PRDM5: variants seen among roughly 807,000 people sequenced by gnomAD.
PRDM5 encodes the protein PR domain zinc finger protein 5.
Under a neutral mutation model 81.2 loss-of-function variants are expected in PRDM5, and 56 were observed. That is an observed-to-expected ratio of 0.69 (90% CI 0.56 to 0.86). The LOEUF is 0.86. PRDM5 is among the 40% of genes least tolerant of loss of function. PRDM5 has a pLI of 0.00. For missense variants in PRDM5, 697 were observed against 770.1 expected, an observed-to-expected ratio of 0.91 and a Z score of 1.12; for synonymous variants, 267 against 256.4, an observed-to-expected ratio of 1.04 and a Z score of -0.39.
intron 12 of PRDM5, among the ~76,000 whole-genome samples, chr4:120,779,285 AAGCATGGAAAC>A (rs2149233409): frequency 6.6e-6 from 1 of 152,314 alleles, no homozygotes; most frequent in East Asian, 1.9e-4. Flanking sequence ...ATGAACAAGA[AAGCATGGAAAC>A]AGCTCACTTT....
intron 11 of PRDM5, among the ~76,000 whole-genome samples, chr4:120,783,975 A>C (rs1749404293): frequency 6.6e-6 from 1 of 152,106 alleles, no homozygotes; most frequent in Non-Finnish European, 1.5e-5. Flanking sequence ...TTTCCTCAGG[A>C]ATATTAAAAG....
chr4:120,818,482 G>A lies in PRDM5; in HGVS notation c.521C>T (p.Ser174Leu), dbSNP rs755711480. ...AAGAATATCCTCACTGGTAAAACTC[G>A]ATTCACATTGAGGACAAGCATAGTC... The part of the protein sequence containing the change: ...KEDYACPQCE[S>L]SFTSEDILAE... Residue 174 changes from serine (S) to leucine (L), a missense_variant, in exon 5 of 16, where the codon TCG (serine) becomes TTG (leucine). Ser to Leu is a moderately radical substitution (Grantham distance 145). Around this residue, in one of 3 missense-constraint regions of PRDM5, gnomAD observed 577 missense variants for 606.7 expected, o/e 0.95. Coordinates refer to ENST00000264808, the MANE Select transcript of PRDM5 (RefSeq NM_018699.4). 5.0e-6 allele frequency: 8 copies of A among 1,613,390 alleles called. No homozygotes were observed. The highest frequency in any genetic ancestry group is 3.3e-5 in the Admixed American group (2 of 59,960).
intron 2 of PRDM5, among the ~76,000 whole-genome samples, chr4:120,869,024 T>A (rs1025489658): frequency 6.6e-6 from 1 of 152,190 alleles, no homozygotes; most frequent in South Asian, 2.1e-4. Flanking sequence ...AATATAAAAC[T>A]ACTACCTTAA....
chr4:120,922,674 C>A lies in PRDM5; in HGVS notation c.-66G>T, dbSNP rs1273611007. On this transcript the variant is annotated 5_prime_UTR_variant, in exon 1 of 16. Transcript: ENST00000264808. ...GCTTAGCGCCCGGCAGGCGGCACAT[C>A]GAAATTTGGGGTGCCAGGGTAGAGG... 5 of 1,555,268 alleles carry A rather than the reference C, an allele frequency of 3.2e-6. No homozygotes were observed. The highest frequency in any genetic ancestry group is 4.4e-6 in the Non-Finnish European group (5 of 1,148,784).
chr4:120,734,461 G>A (rs1013653548), intron 14 of PRDM5, among the ~76,000 whole-genome samples: 14 of 146,752 alleles, frequency 9.5e-5, no homozygotes, highest in Middle Eastern at 6.9e-3. Flanking sequence ...TACTCACTAC[G>A]TTCAAACTAG....
intron 3 of PRDM5, among the ~76,000 whole-genome samples, chr4:120,846,655 C>T (rs534385453): frequency 2.0e-5 from 3 of 152,024 alleles, no homozygotes; most frequent in Admixed American, 6.5e-5. Flanking sequence ...GGAATGAAAC[C>T]CAGAGCATCC....
At chr4:120,691,055 G>A (rs902288818), downstream of PRDM5, among the ~76,000 whole-genome samples, 14 of 152,016 alleles carry the variant, frequency 9.2e-5, no homozygotes, top group Admixed American at 2.0e-4. Flanking sequence ...TTAATTTCAG[G>A]AAATTAAATA....
chr4:120,685,338 G>T (rs1235224782), intron 1 of PRDM5, among the ~76,000 whole-genome samples: 1 of 152,028 alleles, frequency 6.6e-6, no homozygotes, highest in Non-Finnish European at 1.5e-5. Context: ...ATACCTGATA[G>T]TCTAGGTACT....
At chr4:120,817,338 C>T (rs545091888) in intron 5 of PRDM5, among the ~76,000 whole-genome samples, 1 of 152,176 alleles carries the variant, frequency 6.6e-6, no homozygotes, top group African/African-American at 2.4e-5. Flanking sequence ...AATATTCATA[C>T]AGTCTTAGTA....
intron 14 of PRDM5, among the ~76,000 whole-genome samples, chr4:120,746,784 A>G (rs1277391617): frequency 1.4e-5 from 2 of 143,562 alleles, no homozygotes; most frequent in African/African-American, 5.1e-5. Flanking sequence ...TCAGGAAACA[A>G]CAGGTGCTGG....
intron 14 of PRDM5, among the ~76,000 whole-genome samples, chr4:120,715,288 C>A (rs1041127283): frequency 6.6e-6 from 1 of 152,106 alleles, no homozygotes; most frequent in Non-Finnish European, 1.5e-5. Context: ...TTTTATCCAG[C>A]ATTAATAAGT....
intron 2 of PRDM5, among the ~76,000 whole-genome samples, chr4:120,905,810 T>A (rs1765734531): frequency 1.3e-5 from 2 of 152,222 alleles, no homozygotes. Flanking sequence ...GCATAATCTC[T>A]ACCTCCTACA....
At position 120,816,427 on chromosome 4, in the gene PRDM5, GA is replaced by G. The variant is rs1561358345; in HGVS notation, c.865+25del. The G allele has an allele frequency of 3.1e-6, 5 of 1,614,146 alleles. No homozygotes were observed. In the South Asian group the frequency reaches 5.5e-5, roughly 18 times the overall value. On this transcript the variant is annotated intron_variant, in intron 7 of 15. Transcript: ENST00000264808. The stretch of plus-strand genomic sequence containing the variant: ...AGCCTGGGGAAAGGAAGCCCCTTCG[GA>G]AACGACCCTCCAACGACTCCTCACC...
At chr4:120,728,066 C>G (rs897675316) in intron 14 of PRDM5, among the ~76,000 whole-genome samples, 1 of 152,068 alleles carries the variant, frequency 6.6e-6, no homozygotes, top group Non-Finnish European at 1.5e-5. Flanking sequence ...TTAGCCTGGC[C>G]CAACTGCTGA....
rs1416674886 is a variant in PRDM5 at position 120,821,411 on chromosome 4, T to A, written c.301-66A>T. 3 of 1,429,144 alleles carry A rather than the reference T, an allele frequency of 2.1e-6. No homozygotes were observed. In the African/African-American group the frequency reaches 4.3e-5, roughly 20 times the overall value. The allele number at this position is 1,429,144 out of a possible 1,614,324, so 88.5% of individuals were successfully genotyped here. ...TCTGATAGTAATTAAGAAATAATTT[T>A]AAGATACATTAATGGAGTACTATGT... On this transcript the variant is annotated intron_variant, in intron 3 of 15. Transcript: ENST00000264808.
At chr4:120,916,066 A>G (rs1053518255) in intron 1 of PRDM5, among the ~76,000 whole-genome samples, 2 of 152,150 alleles carry the variant, frequency 1.3e-5, no homozygotes, top group African/African-American at 4.8e-5. Context: ...AGCATTCAGA[A>G]TATGATACCA....
intron 13 of PRDM5, among the ~76,000 whole-genome samples, chr4:120,757,838 TCTC>T (rs2149165751): frequency 6.6e-6 from 1 of 151,748 alleles, no homozygotes; most frequent in African/African-American, 2.4e-5. Context: ...TCTCTCTTTC[TCTC>T]CTCCTCTTCC....
chr4:120,819,865 T>G (rs1271231937), intron 4 of PRDM5, among the ~76,000 whole-genome samples: 1 of 152,152 alleles, frequency 6.6e-6, no homozygotes, highest in Non-Finnish European at 1.5e-5. Flanking sequence ...TCCCCTTAAA[T>G]AATTCAACTA....
At chr4:120,774,805 A>T (rs761773132) in intron 13 of PRDM5, among the ~76,000 whole-genome samples, 28 of 151,836 alleles carry the variant, frequency 1.8e-4, no homozygotes, top group Non-Finnish European at 3.2e-4. Context: ...ATAACTAGAT[A>T]GACAATTAGA....
Sources: gnomAD v4.1 joint callset for allele counts (sites outside exome capture counted in the v4.1 genomes callset) on GRCh38, gnomAD v4.1.1 for gene constraint, gnomAD v4.1.1 regional missense constraint, MANE v1.5 for transcripts, NCBI Gene and HGNC (gene_info 2026-07-23, HGNC 2026-07-21) for gene names.